The following LAMC3 variants were observed in gnomAD, a reference collection of about 807,000 sequenced individuals.
LAMC3 encodes the protein laminin subunit gamma 3.
In LAMC3, 128 loss-of-function variants were observed where a neutral mutation model predicts 173.8. The observed-to-expected ratio is 0.74, with a 90% confidence interval of 0.64 to 0.85. LAMC3 has a LOEUF of 0.85. Among genes scored for constraint, LAMC3 ranks in the 40% least tolerant of loss-of-function variants. The pLI, the probability that LAMC3 is intolerant of heterozygous loss-of-function variation, is 0.00. For synonymous variants in LAMC3, 897 were observed against 909.1 expected (o/e 0.99, Z 0.24); for missense variants, 2,022 against 2,156.0 (o/e 0.94, Z 1.23).
At chr9:131,032,237 T>C in intron 3 of LAMC3, 62 bp downstream of exon 3, 1 of 320,900 alleles carries the variant, frequency 3.1e-6, no homozygotes, top group South Asian at 2.3e-5. Flanking sequence ...GAGCGGAAGG[T>C]GGCTGCTGTG....
intron 27 of LAMC3, among the ~76,000 whole-genome samples, chr9:131,090,567 G>A (rs1459490940): frequency 6.6e-6 from 1 of 152,198 alleles, no homozygotes; most frequent in Non-Finnish European, 1.5e-5. Context: ...GGGGATCCCA[G>A]GGGCCCAGTG....
chr9:131,030,236 G>A (rs566992530), intron 2 of LAMC3, among the ~76,000 whole-genome samples: 7 of 152,244 alleles, frequency 4.6e-5, no homozygotes, highest in Admixed American at 2.0e-4. Context: ...CATCACACCA[G>A]GCCCTAAAAT....
In LAMC3 at chr9:131,087,935, C is replaced by T. The variant is rs11244279; in HGVS notation, c.4477+118C>T. ...TCCTTGTCCTCATTGCCATGCTTCC[C>T]GCATCCCCATCTTTGTGGTCAATCA... On this transcript the variant is annotated intron_variant, in intron 27 of 27. Transcript: ENST00000361069. The T allele has an allele frequency of 0.24, 192,031 of 801,864 alleles. 24,935 individuals carry two copies. The highest frequency in any genetic ancestry group is 0.31 in the Middle Eastern group (975 of 3,188). The allele number at this position is 801,864 out of a possible 1,614,324, so 49.7% of individuals were successfully genotyped here.
Position 131,009,550 on chromosome 9 carries a change from G to T in LAMC3, c.336G>T (p.Val112=), listed in dbSNP as rs376494132. Residue 112 remains valine, a synonymous_variant, in exon 1 of 28, where the codon GTG becomes GTT. Transcript: ENST00000361069. The surrounding 1 kb of genome is among the most constrained non-coding windows in gnomAD (Gnocchi z 4.3). ...WWQSPSMAFG[V]QYPTSVNITL... ...AGAGCCCGTCCATGGCCTTCGGCGT[G>T]CAGTACCCCACCTCGGTCAACATCA... 2 of 1,569,362 alleles carry T rather than the reference G, an allele frequency of 1.3e-6. No homozygotes were observed. Among genetic ancestry groups the T allele is most frequent in the Admixed American group, 3.7e-5 (2 of 54,312 alleles).
intron 27 of LAMC3, among the ~76,000 whole-genome samples, chr9:131,089,803 T>C (rs1038995236): frequency 1.0e-4 from 15 of 150,442 alleles, no homozygotes; most frequent in Non-Finnish European, 2.1e-4. Flanking sequence ...AGAATTGCCA[T>C]GCTCTACACG....
At chr9:131,035,409 G>A (rs1833924232) in intron 3 of LAMC3, among the ~76,000 whole-genome samples, 1 of 152,060 alleles carries the variant, frequency 6.6e-6, no homozygotes, top group African/African-American at 2.4e-5. Flanking sequence ...GCCAGAGCAG[G>A]AGCAAGAGAG....
chr9:131,041,436 GGTGGGTGGGAAGA>G (rs1191354057), intron 6 of LAMC3, among the ~76,000 whole-genome samples, 188 bp from the exon 7 acceptor site: 4 of 151,862 alleles, frequency 2.6e-5, no homozygotes, highest in African/African-American at 9.7e-5. Context: ...ATGGATGTGT[GGTGGGTGGGAAGA>G]TGGACCACTG....
chr9:131,045,413 A>C, intron 7 of LAMC3, 111 bp from the exon 8 acceptor site: 1 of 1,283,696 alleles, frequency 7.8e-7, no homozygotes, highest in Non-Finnish European at 1.1e-6. Flanking sequence ...AATTGTTTTT[A>C]AGTTTCTGCA....
chr9:131,062,098 C>T (rs191042371), intron 13 of LAMC3, among the ~76,000 whole-genome samples: 1 of 152,152 alleles, frequency 6.6e-6, no homozygotes, highest in Admixed American at 6.5e-5. Flanking sequence ...CATGGTGACT[C>T]ATGCCTGTAA....
intron 17 of LAMC3, among the ~76,000 whole-genome samples, chr9:131,070,279 T>C (rs1182162233): frequency 6.6e-6 from 1 of 152,240 alleles, no homozygotes; most frequent in Non-Finnish European, 1.5e-5. Context: ...TTCATTGTCA[T>C]GTGTCTGGGC....
chr9:131,011,468 C>T (rs76044427), intron 1 of LAMC3, among the ~76,000 whole-genome samples: 2,144 of 152,308 alleles, frequency 0.014, 55 homozygotes, highest in African/African-American at 0.049. Flanking sequence ...AGCCTGGTGA[C>T]AGTGTCCTGG....
intron 13 of LAMC3, among the ~76,000 whole-genome samples, chr9:131,063,885 T>A (rs943213219): frequency 2.2e-4 from 33 of 152,188 alleles, no homozygotes; most frequent in Non-Finnish European, 4.0e-4. Flanking sequence ...GCCTTTTCCT[T>A]TTCAGGGTTG....
chr9:131,053,606 G>A (rs1487011407), intron 11 of LAMC3, among the ~76,000 whole-genome samples: 1 of 152,170 alleles, frequency 6.6e-6, no homozygotes, highest in Non-Finnish European at 1.5e-5. Context: ...AGGCCAAGGC[G>A]AGTGGATCAT....
chr9:131,055,518 G>A (rs181851511), intron 11 of LAMC3, among the ~76,000 whole-genome samples: 300 of 139,694 alleles, frequency 2.1e-3, no homozygotes, highest in African/African-American at 7.7e-3. Context: ...TCCGCCTCCC[G>A]GGTTCATGTC....
chr9:131,018,776 A>G (rs1405000321), intron 1 of LAMC3, among the ~76,000 whole-genome samples: 2 of 151,846 alleles, frequency 1.3e-5, no homozygotes, highest in Non-Finnish European at 2.9e-5. Flanking sequence ...CTCCCTCTCC[A>G]TGCTCCTGCC....
At chr9:131,044,164 G>A (rs1834106258) in intron 7 of LAMC3, among the ~76,000 whole-genome samples, 1 of 151,422 alleles carries the variant, frequency 6.6e-6, no homozygotes, top group South Asian at 2.1e-4. Context: ...TCACCATGTT[G>A]GTCAGGCTGA....
At chr9:131,010,108 C>CAT (rs1833385509) in intron 1 of LAMC3, among the ~76,000 whole-genome samples, 1 of 141,360 alleles carries the variant, frequency 7.1e-6, no homozygotes, top group Non-Finnish European at 1.5e-5. Flanking sequence ...GAGCCGAGGT[C>CAT]GCACCACCGT....
At chr9:131,076,562 G>A (rs528034409) in intron 21 of LAMC3, among the ~76,000 whole-genome samples, 2 of 152,326 alleles carry the variant, frequency 1.3e-5, no homozygotes, top group South Asian at 2.1e-4. Context: ...GGGGCAGAGC[G>A]ATGGCTCTCT....
chr9:131,046,492 C>T (rs1158673824), intron 8 of LAMC3, among the ~76,000 whole-genome samples: 3 of 143,556 alleles, frequency 2.1e-5, no homozygotes, highest in Admixed American at 7.4e-5. Flanking sequence ...TACAGGCGTG[C>T]ACCACCATGC....
Sources: gnomAD v4.1 joint callset for allele counts (sites outside exome capture counted in the v4.1 genomes callset) on GRCh38, gnomAD v4.1.1 for gene constraint, Gnocchi (gnomAD v3.1) non-coding constraint, MANE v1.5 for transcripts, NCBI Gene and HGNC (gene_info 2026-07-23, HGNC 2026-07-21) for gene names.